The following MAPKAP1 variants were observed in gnomAD, a reference collection of about 807,000 sequenced individuals.
MAPKAP1 encodes MAPK associated protein 1.
In MAPKAP1, 20 loss-of-function variants were observed where a neutral mutation model predicts 65.7. The ratio of observed to expected loss-of-function variants is 0.30; its 90% confidence interval spans 0.21 to 0.44. The LOEUF (loss-of-function observed/expected upper bound fraction) is 0.44. Among genes scored for constraint, MAPKAP1 ranks in the 20% least tolerant of loss-of-function variants. The pLI is 1.00. For synonymous variants in MAPKAP1, 222 were observed against 244.3 expected, an observed-to-expected ratio of 0.91 and a Z score of 0.85; for missense variants, 423 against 648.0, an observed-to-expected ratio of 0.65 and a Z score of 3.77.
intron 1 of MAPKAP1, among the ~76,000 whole-genome samples, chr9:125,696,873 A>G (rs1835402285): frequency 6.7e-6 from 1 of 149,698 alleles, no homozygotes; most frequent in Non-Finnish European, 1.5e-5. Context: ...AGTTTACCTT[A>G]ACACACATAA....
chr9:125,605,491 C>T (rs1197938240), intron 4 of MAPKAP1, among the ~76,000 whole-genome samples: 1 of 152,162 alleles, frequency 6.6e-6, no homozygotes, highest in East Asian at 1.9e-4. Flanking sequence ...AATAAATAGC[C>T]ACCGTTTCAC....
intron 10 of MAPKAP1, among the ~76,000 whole-genome samples, chr9:125,448,780 G>A (rs906076492): frequency 6.6e-6 from 1 of 152,286 alleles, no homozygotes; most frequent in South Asian, 2.1e-4. Context: ...CAAGGTGGAT[G>A]GATCACCCGA....
In MAPKAP1 at chr9:125,707,188, T is replaced by C. The variant is rs1430530348; in HGVS notation, c.-287A>G. Reference sequence around the variant, plus strand: ...GCCGGCCGGCCGAGCAGCAGCCCTATTACCCCGAGCCGCACACGACCCGGA... The same window carrying C: ...GCCGGCCGGCCGAGCAGCAGCCCTACTACCCCGAGCCGCACACGACCCGGA... On this transcript the variant is annotated 5_prime_UTR_variant, in exon 1 of 12. Transcript: ENST00000265960. 1.3e-5 allele frequency: 5 copies of C among 397,624 alleles called. No individual in the cohort carries two copies. The highest frequency in any genetic ancestry group is 4.1e-5 in the African/African-American group (2 of 48,578). The allele number at this position is 397,624 out of a possible 1,614,324, so 24.6% of individuals were successfully genotyped here. A position where few individuals can be genotyped will look rare whatever the true frequency, so the allele number is the denominator to read the frequency against.
At chr9:125,524,230 T>C (rs1053650042) in intron 7 of MAPKAP1, among the ~76,000 whole-genome samples, 2 of 152,130 alleles carry the variant, frequency 1.3e-5, no homozygotes, top group African/African-American at 4.8e-5. Context: ...ACAGTGATGG[T>C]GGGGTCAAGC....
intron 7 of MAPKAP1, among the ~76,000 whole-genome samples, chr9:125,530,025 A>C (rs1245838747): frequency 6.6e-6 from 1 of 152,234 alleles, no homozygotes; most frequent in Non-Finnish European, 1.5e-5. Flanking sequence ...GGAGTTGTTT[A>C]AAATGCCTTT....
intron 4 of MAPKAP1, among the ~76,000 whole-genome samples, chr9:125,640,405 A>C (rs1021833842): frequency 2.0e-5 from 3 of 152,012 alleles, no homozygotes; most frequent in Non-Finnish European, 4.4e-5. Flanking sequence ...GCCCGGCCAC[A>C]TTCTGTTTAT....
At chr9:125,559,591 T>C (rs752265134) in intron 6 of MAPKAP1, 42 bp downstream of exon 6, 53 of 1,558,018 alleles carry the variant, frequency 3.4e-5, no homozygotes, top group Middle Eastern at 1.7e-4. Context: ...TGCTAGAAGG[T>C]TGGGATGAGA....
chr9:125,559,902 ACTGCTTTTCTTTAC>A (rs1830843411), intron 5 of MAPKAP1, 93 bp from the exon 6 acceptor site: 2 of 1,268,676 alleles, frequency 1.6e-6, no homozygotes, highest in African/African-American at 1.5e-5. Context: ...AATTGAGGAG[ACTGCTTTTCTTTAC>A]CCCAAGCCTG....
intron 4 of MAPKAP1, among the ~76,000 whole-genome samples, chr9:125,628,263 A>AAG (rs1833172091): frequency 6.6e-6 from 1 of 152,200 alleles, no homozygotes; most frequent in Admixed American, 6.5e-5. Flanking sequence ...CACAACCCAC[A>AAG]AGATATGACA....
In MAPKAP1 at chr9:125,618,341, C is replaced by CAAAAAAAAA. The variant is rs60166871; in HGVS notation, c.499-32623_499-32615dup. ...TGGGTGACAGAGTGAGGCTCCGTCT[C>CAAAAAAAAA]AAAAAAAAAAAAAAAAAAAAAAAAA... On this transcript the variant is annotated intron_variant, in intron 4 of 11. Transcript: ENST00000265960. Among the ~76,000 whole-genome samples, 97 of 31,222 alleles carry CAAAAAAAAA rather than the reference C, an allele frequency of 3.1e-3. 9 individuals are homozygous for CAAAAAAAAA. The highest frequency in any genetic ancestry group is 3.9e-3 in the Admixed American group (7 of 1,786). 20.5% of individuals were successfully genotyped at this position (31,222 alleles called of 152,430 possible).
intron 4 of MAPKAP1, among the ~76,000 whole-genome samples, chr9:125,655,478 T>G (rs762493120): frequency 3.9e-5 from 6 of 152,204 alleles, no homozygotes; most frequent in Non-Finnish European, 8.8e-5. Context: ...TGAGGTGTTA[T>G]TTGAATAGTC....
intron 10 of MAPKAP1, among the ~76,000 whole-genome samples, chr9:125,464,204 TAAAAA>T (rs57497941): frequency 1.1e-4 from 9 of 83,332 alleles, no homozygotes; most frequent in South Asian, 5.1e-4. Flanking sequence ...TCTCATATAT[TAAAAA>T]AAAAAAAAAA....
At chr9:125,588,920 A>G (rs544860896) in intron 4 of MAPKAP1, among the ~76,000 whole-genome samples, 1 of 152,346 alleles carries the variant, frequency 6.6e-6, no homozygotes, top group African/African-American at 2.4e-5. Context: ...GCCTTCTGGA[A>G]GTACCCTCAA....
At chr9:125,665,880 T>C (rs1359697454) in intron 3 of MAPKAP1, among the ~76,000 whole-genome samples, 1 of 152,214 alleles carries the variant, frequency 6.6e-6, no homozygotes, top group African/African-American at 2.4e-5. Context: ...CATTGTTGTT[T>C]TGCATTATTA....
intron 3 of MAPKAP1, among the ~76,000 whole-genome samples, chr9:125,669,179 C>CAA (rs1187824182): frequency 4.8e-5 from 5 of 103,160 alleles, no homozygotes; most frequent in Non-Finnish European, 4.0e-5. Flanking sequence ...GACTCCGTCT[C>CAA]AAAAAAAAAA....
chr9:125,538,992 C>T (rs927700379), intron 7 of MAPKAP1, among the ~76,000 whole-genome samples: 2 of 152,188 alleles, frequency 1.3e-5, no homozygotes, highest in African/African-American at 4.8e-5. Context: ...CCCCTCTGCT[C>T]CTAGTAGTAC....
chr9:125,696,711 C>CA (rs942980904), intron 1 of MAPKAP1, among the ~76,000 whole-genome samples: 7 of 152,096 alleles, frequency 4.6e-5, no homozygotes, highest in African/African-American at 1.4e-4. Flanking sequence ...TATAACTAAT[C>CA]AATCAAATCT....
At chr9:125,499,453 G>C (rs1828905951) in intron 8 of MAPKAP1, among the ~76,000 whole-genome samples, 1 of 152,110 alleles carries the variant, frequency 6.6e-6, no homozygotes, top group African/African-American at 2.4e-5. Context: ...TGATTCCATT[G>C]ATTGTGATCT....
At chr9:125,444,383 TG>T in intron 11 of MAPKAP1, 117 bp downstream of exon 11, 1 of 764,634 alleles carries the variant, frequency 1.3e-6, no homozygotes, top group Non-Finnish European at 2.1e-6. Context: ...TCTGCCAAAC[TG>T]GGCCCGGGAA....
Sources: allele counts gnomAD v4.1 joint callset (sites outside exome capture counted in the v4.1 genomes callset), GRCh38; gene constraint gnomAD v4.1.1; transcripts MANE v1.5; gene names NCBI Gene and HGNC (gene_info 2026-07-23, HGNC 2026-07-21).